LTBP1: variants seen among roughly 807,000 people sequenced by gnomAD.
LTBP1 encodes latent-transforming growth factor beta-binding protein 1.
Under a neutral mutation model 207.6 loss-of-function variants are expected in LTBP1, and 129 were observed. The observed-to-expected ratio is 0.62, with a 90% confidence interval of 0.54 to 0.72. The LOEUF (loss-of-function observed/expected upper bound fraction) is 0.72. Ranked by LOEUF, LTBP1 falls within the 30% of genes least tolerant of loss-of-function variation. The pLI is 0.00. For missense variants in LTBP1, 2,281 were observed against 2,217.2 expected (o/e 1.03, Z -0.58); for synonymous variants, 963 against 833.7 (o/e 1.16, Z -2.67).
At chr2:33,387,735 G>GTTTT (rs1275878993) in intron 31 of LTBP1, among the ~76,000 whole-genome samples, 3 of 43,988 alleles carry the variant, frequency 6.8e-5, no homozygotes, top group South Asian at 1.0e-3. Context: ...GCCTTGGTGG[G>GTTTT]GTTTTTTTTT....
chr2:33,307,127 A>C (rs1458257473), intron 22 of LTBP1, among the ~76,000 whole-genome samples: 2 of 152,188 alleles, frequency 1.3e-5, no homozygotes, highest in African/African-American at 2.4e-5. Context: ...CTTTACACCC[A>C]TTAAAATAGT....
intron 7 of LTBP1, among the ~76,000 whole-genome samples, chr2:33,212,119 A>G (rs917123853): frequency 1.3e-5 from 2 of 152,176 alleles, no homozygotes; most frequent in African/African-American, 4.8e-5. Context: ...ATATTTGTGG[A>G]ATAATTGTAA....
chr2:33,254,852 G>GTTTTTTTTTTTTT (rs70938393), intron 11 of LTBP1, among the ~76,000 whole-genome samples: 8 of 10,366 alleles, frequency 7.7e-4, no homozygotes, highest in Non-Finnish European at 8.8e-4. Context: ...GCGGTGTTTG[G>GTTTTTTTTTTTTT]TTTTTTTTTT....
chr2:33,017,944 C>T (rs1688619140), intron 2 of LTBP1, among the ~76,000 whole-genome samples: 1 of 152,136 alleles, frequency 6.6e-6, no homozygotes, highest in African/African-American at 2.4e-5. Context: ...CTGTCCTCCT[C>T]CAGTTCAATC....
In LTBP1 at chr2:33,322,134, C is replaced by CT. The variant is rs11332508; in HGVS notation, c.3730+6878dup. On this transcript the variant is annotated intron_variant, in intron 24 of 33. Transcript: ENST00000404816. ...AAAAATTTGAGATCTCTTCCTAAGC[C>CT]TTTTTTTTTTTTTATCACTGCTGAC... is the stretch of plus-strand genomic sequence containing the variant. Among the ~76,000 whole-genome samples the CT allele has an allele frequency of 9.8e-4, 146 of 148,264 alleles. 1 individual carries two copies. The highest frequency in any genetic ancestry group is 1.6e-3 in the Admixed American group (24 of 14,908).
intron 20 of LTBP1, among the ~76,000 whole-genome samples, chr2:33,293,988 T>C (rs2093823751): frequency 7.0e-6 from 1 of 142,386 alleles, no homozygotes; most frequent in African/African-American, 2.6e-5. Flanking sequence ...ACAAAACTGG[T>C]ACAGGTCTTT....
intron 13 of LTBP1, among the ~76,000 whole-genome samples, chr2:33,260,703 G>A (rs1009227527): frequency 1.3e-5 from 2 of 152,132 alleles, no homozygotes; most frequent in African/African-American, 4.8e-5. Context: ...TACTTTTGAA[G>A]CTCTTAGCAT....
chr2:32,978,141 T>G (rs1682113133), intron 2 of LTBP1, among the ~76,000 whole-genome samples: 1 of 152,214 alleles, frequency 6.6e-6, no homozygotes, highest in African/African-American at 2.4e-5. Flanking sequence ...TTTCCAAAAA[T>G]AAGATCATAT....
At chr2:33,300,119 A>T (rs920806153) in intron 20 of LTBP1, among the ~76,000 whole-genome samples, 12 of 152,194 alleles carry the variant, frequency 7.9e-5, no homozygotes, top group Non-Finnish European at 1.3e-4. Flanking sequence ...TCTGCAAACT[A>T]TCTGAGCGAC....
intron 19 of LTBP1, among the ~76,000 whole-genome samples, chr2:33,281,238 A>G (rs945914302): frequency 6.6e-6 from 1 of 152,140 alleles, no homozygotes; most frequent in Admixed American, 6.5e-5. Flanking sequence ...AAACTCACAG[A>G]TTTGAGACAA....
intron 19 of LTBP1, 145 bp downstream of exon 19, chr2:33,280,303 T>A: frequency 3.8e-6 from 3 of 783,576 alleles, no homozygotes; most frequent in South Asian, 3.0e-5. Flanking sequence ...CAGTAACTTT[T>A]AACCATTGAG....
chr2:33,116,918 T>G (rs1052374358), intron 4 of LTBP1, among the ~76,000 whole-genome samples: 1 of 152,218 alleles, frequency 6.6e-6, no homozygotes, highest in Non-Finnish European at 1.5e-5. Context: ...AAGTGACTTC[T>G]GACAGAAGAA....
intron 24 of LTBP1, among the ~76,000 whole-genome samples, chr2:33,334,463 C>A (rs1330520263): frequency 6.6e-6 from 1 of 152,146 alleles, no homozygotes; most frequent in Non-Finnish European, 1.5e-5. Flanking sequence ...GTTTGGAAGC[C>A]ATTGCAGGAA....
Position 33,124,378 on chromosome 2 carries a change from C to G in LTBP1, c.1034-10415C>G, listed in dbSNP as rs531318848. Among the ~76,000 whole-genome samples the G allele has an allele frequency of 4.6e-5, 7 of 152,170 alleles. No homozygotes were observed. The East Asian group carries it at 1.4e-3, about 29-fold the overall frequency. ...TGAGCCAAGATTGTGCCACTGCACT[C>G]CAGCTTGGGTGATAGAACAAGACTC... On this transcript the variant is annotated intron_variant, in intron 4 of 33. Coordinates refer to ENST00000404816, the MANE Select transcript of LTBP1 (RefSeq NM_206943.4).
intron 3 of LTBP1, among the ~76,000 whole-genome samples, chr2:33,091,720 C>T (rs1489245472): frequency 6.6e-6 from 1 of 152,158 alleles, no homozygotes; most frequent in African/African-American, 2.4e-5. Flanking sequence ...ACTAATCGCC[C>T]GAAGGAAGTT....
At chr2:33,279,138 C>T (rs1262101050) in intron 18 of LTBP1, among the ~76,000 whole-genome samples, 3 of 152,120 alleles carry the variant, frequency 2.0e-5, no homozygotes, top group Admixed American at 6.5e-5. Flanking sequence ...TATTGGGATA[C>T]TTAAACATTA....
At chr2:32,986,705 C>T (rs1013907930) in intron 2 of LTBP1, among the ~76,000 whole-genome samples, 1 of 152,190 alleles carries the variant, frequency 6.6e-6, no homozygotes, top group African/African-American at 2.4e-5. Flanking sequence ...GATCAGGATC[C>T]TGTCTCTCTC....
chr2:33,005,623 G>A (rs537457037), intron 2 of LTBP1, among the ~76,000 whole-genome samples: 7 of 145,238 alleles, frequency 4.8e-5, no homozygotes, highest in East Asian at 4.0e-4. Flanking sequence ...TTGAGACAGT[G>A]TGTTTCTGGC....
chr2:33,102,010 C>T (rs2079767951), intron 3 of LTBP1, among the ~76,000 whole-genome samples: 1 of 152,114 alleles, frequency 6.6e-6, no homozygotes, highest in Non-Finnish European at 1.5e-5. Flanking sequence ...GAGGATATGT[C>T]TTGTGTCCAG....
Sources: gnomAD v4.1 joint callset for allele counts (sites outside exome capture counted in the v4.1 genomes callset) on GRCh38, gnomAD v4.1.1 for gene constraint, MANE v1.5 for transcripts, NCBI Gene and HGNC (gene_info 2026-07-23, HGNC 2026-07-21) for gene names.